The following CYP24A1 variants were observed in gnomAD, a reference collection of about 807,000 sequenced individuals.
CYP24A1 encodes the protein 1,25-dihydroxyvitamin D(3) 24-hydroxylase, mitochondrial.
A neutral mutation model predicts 62.4 loss-of-function variants in CYP24A1; 68 were observed. That is an observed-to-expected ratio of 1.09 (90% confidence interval 0.90 to 1.33). The LOEUF (loss-of-function observed/expected upper bound fraction) is 1.33. Ranked by LOEUF, CYP24A1 falls within the 40% of genes most tolerant of loss-of-function variation. CYP24A1 has a pLI of 0.00. For missense variants in CYP24A1, 787 were observed against 653.0 expected, an observed-to-expected ratio of 1.21 and a Z score of -2.24; for synonymous variants, 267 against 253.0, an observed-to-expected ratio of 1.06 and a Z score of -0.52.
chr20:54,164,689 C>T, intron 5 of CYP24A1, 126 bp from the exon 6 acceptor site: 1 of 1,548,422 alleles, frequency 6.5e-7, no homozygotes, highest in Non-Finnish European at 8.7e-7. Context: ...ATTACAAGGA[C>T]ACCCCCGGCT....
chr20:54,164,349 TGTG>T lies in CYP24A1; in HGVS notation c.844+100_844+102del, dbSNP rs995800709. On this transcript the variant is annotated intron_variant, in intron 6 of 11. Transcript: ENST00000216862. ...AACACCTGTGTTTGCAAAACCTAAA[TGTG>T]GTGATGAGGCTCAGGAGATCACTCC... 5 of 1,604,840 alleles carry T rather than the reference TGTG, an allele frequency of 3.1e-6. No individual in the cohort carries two copies. The African/African-American group carries it at 6.7e-5, about 21-fold the overall frequency.
chr20:54,171,649 C>T lies in CYP24A1; in HGVS notation c.471G>A (p.Arg157=). ...LLILEGEDWQ[R]VRSAFQKKLM... ...GTTTCTTTTGAAAGGCACTCCGGACCCGCTGCCAGTCTTCCCCTTCCCTGT... is the reference window on the plus strand; with the variant it reads ...GTTTCTTTTGAAAGGCACTCCGGACTCGCTGCCAGTCTTCCCCTTCCCTGT... The change falls in exon 3 of 12, where the codon CGG becomes CGA. Residue 157 remains arginine (R), a synonymous_variant. Transcript: ENST00000216862. 6.2e-7 allele frequency: 1 copy of T among 1,613,830 alleles called. No individual in the cohort carries two copies. Among genetic ancestry groups the T allele is most frequent in the Non-Finnish European group, 8.5e-7 (1 of 1,179,872 alleles).
chr20:54,145,200 G>A, the CYP24A1 span, among the ~76,000 whole-genome samples: 2 of 151,252 alleles, frequency 1.3e-5, no homozygotes, highest in Non-Finnish European at 2.9e-5. Flanking sequence ...CAGGTCACTC[G>A]CTAGTGAACC....
intron 9 of CYP24A1, among the ~76,000 whole-genome samples, chr20:54,157,798 C>T (rs527724319): frequency 6.6e-5 from 10 of 152,306 alleles, no homozygotes; most frequent in African/African-American, 1.9e-4. Flanking sequence ...AACCACCCTG[C>T]GCAGCAGATT....
rs763060463 is a variant in CYP24A1, at chr20:54,157,373, C to T, written c.1434+15G>A. ...CAGCACAGAACATAATTGCAGAAAC[C>T]GGTAAAGGTTTTACCCAACAAAGAG... is the stretch of plus-strand genomic sequence containing the variant. On this transcript the variant is annotated intron_variant, in intron 10 of 11. Transcript: ENST00000216862. 23 of 1,540,494 alleles carry T rather than the reference C, an allele frequency of 1.5e-5. No homozygotes were observed. The highest frequency in any genetic ancestry group is 4.1e-5 in the African/African-American group (3 of 73,494).
downstream of CYP24A1, among the ~76,000 whole-genome samples, chr20:54,149,490 T>G (rs1283122555): frequency 6.6e-6 from 1 of 151,938 alleles, no homozygotes; most frequent in African/African-American, 2.4e-5. Context: ...TTTTGTGATG[T>G]CCAAATAATT....
downstream of CYP24A1, among the ~76,000 whole-genome samples, chr20:54,150,407 C>G (rs1337319623): frequency 2.9e-5 from 4 of 136,248 alleles, no homozygotes; most frequent in African/African-American, 1.2e-4. Flanking sequence ...GATCTCGGCT[C>G]TCTGTAACCT....
At chr20:54,150,424 C>T (rs2092610854), downstream of CYP24A1, among the ~76,000 whole-genome samples, 1 of 152,080 alleles carries the variant, frequency 6.6e-6, no homozygotes, top group Non-Finnish European at 1.5e-5. Context: ...ACCTCCGCCC[C>T]CCAGGTTCAA....
chr20:54,172,432 C>G (rs2092697161), intron 2 of CYP24A1, among the ~76,000 whole-genome samples: 3 of 152,124 alleles, frequency 2.0e-5, no homozygotes, highest in Admixed American at 2.0e-4. Flanking sequence ...TCCACCTTTA[C>G]AAGTAGAAAT....
intron 9 of CYP24A1, among the ~76,000 whole-genome samples, 176 bp from the exon 10 acceptor site, chr20:54,157,761 G>A (rs2092634739): frequency 6.6e-6 from 1 of 152,144 alleles, no homozygotes; most frequent in Non-Finnish European, 1.5e-5. Context: ...ATAGGTAAAG[G>A]GCTTTAGAAT....
chr20:54,147,926 T>C, the CYP24A1 span, among the ~76,000 whole-genome samples: 2 of 152,068 alleles, frequency 1.3e-5, no homozygotes, highest in Non-Finnish European at 2.9e-5. Flanking sequence ...CTCTGACTCC[T>C]GGGTTCAAGC....
chr20:54,171,755 C>A lies in CYP24A1; in HGVS notation c.450-85G>T, dbSNP rs36106327. 0.015 allele frequency: 23,822 copies of A among 1,610,958 alleles called. 217 individuals are homozygous for A. The highest frequency in any genetic ancestry group is 0.017 in the Non-Finnish European group (20,322 of 1,179,068). On this transcript the variant is annotated intron_variant, in intron 2 of 11. Transcript: ENST00000216862. ...AATACTCCAGCTGCAACTTCAGGAACCATAAAATCAAACAAACACTGAGAA... is the reference window on the plus strand; with the variant it reads ...AATACTCCAGCTGCAACTTCAGGAAACATAAAATCAAACAAACACTGAGAA...
chr20:54,145,971 G>A, the CYP24A1 span, among the ~76,000 whole-genome samples: 1 of 152,134 alleles, frequency 6.6e-6, no homozygotes, highest in African/African-American at 2.4e-5. Flanking sequence ...GAAATAACTG[G>A]TATTAGCAGA....
intron 4 of CYP24A1, 26 bp from the exon 5 acceptor site, chr20:54,165,859 T>C: frequency 9.8e-7 from 1 of 1,022,970 alleles, no homozygotes; most frequent in Non-Finnish European, 1.6e-6. Flanking sequence ...ATCATCACTT[T>C]ACACAAACAG....
In CYP24A1 at chr20:54,162,789, A is replaced by G; in HGVS notation, c.918T>C (p.Tyr306=). The part of the protein sequence containing the change: ...QPSADFLCDI[Y]HQNRLSKKEL... ...CTTTCTTTGAAAGCCGATTCTGGTG[A>G]TAAATGTCACAAAGGAAATCTGCAC... Residue 306 remains tyrosine, a synonymous_variant, in exon 7 of 12, where the codon TAT becomes TAC. Coordinates refer to ENST00000216862, the MANE Select transcript of CYP24A1 (RefSeq NM_000782.5). The G allele has an allele frequency of 6.4e-7, 1 of 1,567,552 alleles. No homozygotes were observed. Among genetic ancestry groups the G allele is most frequent in the Non-Finnish European group, 8.8e-7 (1 of 1,137,704 alleles).
chr20:54,144,244 C>T, the CYP24A1 span, among the ~76,000 whole-genome samples: 2 of 149,284 alleles, frequency 1.3e-5, no homozygotes, highest in South Asian at 2.1e-4. Context: ...CAAGGTCTCA[C>T]TCTTCCCACA....
downstream of CYP24A1, among the ~76,000 whole-genome samples, chr20:54,151,023 T>C (rs2092611663): frequency 1.3e-5 from 2 of 152,196 alleles, no homozygotes; most frequent in African/African-American, 4.8e-5. Context: ...TATGGGAAAT[T>C]AATTTTTTTT....
At chr20:54,171,322 C>T (rs1478336295) in intron 3 of CYP24A1, among the ~76,000 whole-genome samples, 1 of 152,068 alleles carries the variant, frequency 6.6e-6, no homozygotes, top group African/African-American at 2.4e-5. Context: ...AAATCCAGGG[C>T]TGTAGAATAC....
chr20:54,169,572 AGTCTGTGAC>A lies in CYP24A1; in HGVS notation c.640+11_640+19del. 3.7e-6 allele frequency: 6 copies of A among 1,614,040 alleles called. No individual in the cohort carries two copies. Among genetic ancestry groups the A allele is most frequent in the Non-Finnish European group, 4.2e-6 (5 of 1,179,960 alleles). On this transcript the variant is annotated intron_variant, in intron 4 of 11. Transcript: ENST00000216862. ...AAATCACCTGCAAAATCAGTGAGCA[AGTCTGTGAC>A]GACAACTTACTTTCAAACGACCATT...
Sources: gnomAD v4.1 joint callset for allele counts (sites outside exome capture counted in the v4.1 genomes callset) on GRCh38, gnomAD v4.1.1 for gene constraint, MANE v1.5 for transcripts, NCBI Gene and HGNC (gene_info 2026-07-23, HGNC 2026-07-21) for gene names.